Variants in ASPRV1 observed in about 807,000 individuals in gnomAD.
ASPRV1 encodes the protein aspartic peptidase retroviral like 1, also known as retroviral-like aspartic protease 1.
Under a neutral mutation model 11.0 loss-of-function variants are expected in ASPRV1, and 7 were observed. The observed-to-expected ratio is 0.64, with a 90% CI of 0.36 to 1.20. The LOEUF (loss-of-function observed/expected upper bound fraction) is 1.20. Ranked by LOEUF, ASPRV1 falls within the 50% of genes most tolerant of loss-of-function variation. ASPRV1 has a pLI of 0.02. For synonymous variants in ASPRV1, 136 were observed against 138.4 expected (o/e 0.98, Z 0.12); for missense variants, 299 against 320.0 (o/e 0.93, Z 0.50).
At chr2:70,042,690 G>A in the ASPRV1 span, among the ~76,000 whole-genome samples, 1 of 152,122 alleles carries the variant, frequency 6.6e-6, no homozygotes, top group Non-Finnish European at 1.5e-5. Context: ...ACTAGACCTC[G>A]TGTATGAGGC....
chr2:70,080,295 T>G, the ASPRV1 span, among the ~76,000 whole-genome samples: 1 of 152,024 alleles, frequency 6.6e-6, no homozygotes, highest in African/African-American at 2.4e-5. Context: ...GGCACCATCT[T>G]GGGTCACTGC....
chr2:69,934,286 G>A, the ASPRV1 span, among the ~76,000 whole-genome samples: 1 of 152,190 alleles, frequency 6.6e-6, no homozygotes, highest in Non-Finnish European at 1.5e-5. Context: ...CTTTAAGGAG[G>A]TGGTAAGCTT....
At chr2:70,012,853 AAACT>A in the ASPRV1 span, among the ~76,000 whole-genome samples, 6 of 152,214 alleles carry the variant, frequency 3.9e-5, no homozygotes, top group African/African-American at 1.2e-4. Context: ...AATGACTAAC[AAACT>A]ATGATTATTC....
chr2:70,074,133 CAAAAAAAAAA>C, the ASPRV1 span, among the ~76,000 whole-genome samples: 4 of 7,814 alleles, frequency 5.1e-4, no homozygotes, highest in Admixed American at 1.7e-3. Context: ...AACTTCATCT[CAAAAAAAAAA>C]AAAAAAAAAA....
At chr2:70,019,027 G>A in the ASPRV1 span, 1 of 152,160 alleles carries the variant, frequency 6.6e-6, no homozygotes, top group Non-Finnish European at 1.5e-5. Context: ...GGGTTGTTAT[G>A]ATCTAAAGTG....
the ASPRV1 span, among the ~76,000 whole-genome samples, chr2:70,036,460 C>T: frequency 1.3e-5 from 2 of 152,072 alleles, no homozygotes; most frequent in African/African-American, 4.8e-5. Flanking sequence ...AGAAATGGAT[C>T]AATCTAAAGA....
the ASPRV1 span, among the ~76,000 whole-genome samples, chr2:70,033,459 A>T: frequency 6.6e-6 from 1 of 152,034 alleles, no homozygotes; most frequent in Non-Finnish European, 1.5e-5. Flanking sequence ...GGCGGGAGAG[A>T]AATCCCCCTT....
chr2:69,952,154 A>C, the ASPRV1 span, among the ~76,000 whole-genome samples: 1 of 152,208 alleles, frequency 6.6e-6, no homozygotes, highest in Non-Finnish European at 1.5e-5. Flanking sequence ...AACACTGGGC[A>C]AATTAACCTC....
chr2:70,074,479 G>A, the ASPRV1 span, among the ~76,000 whole-genome samples: 1 of 151,504 alleles, frequency 6.6e-6, no homozygotes, highest in African/African-American at 2.4e-5. Context: ...AGTAGAGACA[G>A]AGTTTCACCA....
At chr2:69,988,986 A>G in the ASPRV1 span, 1 of 324,956 alleles carries the variant, frequency 3.1e-6, no homozygotes, top group Admixed American at 4.0e-5. Context: ...ACTAAAGAAC[A>G]CTTTTTTTTT....
chr2:70,061,029 G>A, the ASPRV1 span, among the ~76,000 whole-genome samples: 1 of 152,148 alleles, frequency 6.6e-6, no homozygotes, highest in Non-Finnish European at 1.5e-5. Context: ...AACAAATGGG[G>A]TGCTAACAGT....
chr2:70,011,122 G>A, the ASPRV1 span, among the ~76,000 whole-genome samples: 1 of 151,970 alleles, frequency 6.6e-6, no homozygotes, highest in East Asian at 1.9e-4. Flanking sequence ...GAGGGTGGGG[G>A]GTGTGGGAAA....
the ASPRV1 span, among the ~76,000 whole-genome samples, chr2:70,074,442 C>T: frequency 6.6e-6 from 1 of 151,516 alleles, no homozygotes; most frequent in Non-Finnish European, 1.5e-5. Context: ...GCACACACCA[C>T]CACACCTGGC....
At chr2:70,078,681 G>A in the ASPRV1 span, among the ~76,000 whole-genome samples, 1 of 152,218 alleles carries the variant, frequency 6.6e-6, no homozygotes, top group Non-Finnish European at 1.5e-5. Flanking sequence ...GGTAGGAAAT[G>A]AAGTCAGAGC....
chr2:70,063,671 TA>T, the ASPRV1 span, among the ~76,000 whole-genome samples: 1 of 152,250 alleles, frequency 6.6e-6, no homozygotes, highest in East Asian at 1.9e-4. Flanking sequence ...AAAGTTAAGG[TA>T]GGATTTCTGG....
chr2:69,966,879 C>T, the ASPRV1 span, among the ~76,000 whole-genome samples: 5 of 152,014 alleles, frequency 3.3e-5, no homozygotes, highest in East Asian at 1.9e-4. Flanking sequence ...TGGGGGGCGG[C>T]GACAGAGAGG....
chr2:70,085,782 CACTT>C, the ASPRV1 span: 8 of 152,262 alleles, frequency 5.3e-5, no homozygotes, highest in African/African-American at 1.7e-4. Context: ...TAAAAATGAA[CACTT>C]AATTGTGGTA....
the ASPRV1 span, among the ~76,000 whole-genome samples, chr2:70,019,988 G>GTATA: frequency 1.2e-4 from 18 of 150,376 alleles, no homozygotes; most frequent in African/African-American, 3.9e-4. Flanking sequence ...CAATGTGTGT[G>GTATA]TATATATATA....
the ASPRV1 span, among the ~76,000 whole-genome samples, chr2:70,086,712 CAGG>C: frequency 6.6e-6 from 1 of 152,236 alleles, no homozygotes; most frequent in Non-Finnish European, 1.5e-5. Flanking sequence ...GACACAAGGG[CAGG>C]AGGTGGGGTT....
Sources: allele counts gnomAD v4.1 joint callset (sites outside exome capture counted in the v4.1 genomes callset), GRCh38; gene constraint gnomAD v4.1.1; transcripts MANE v1.5; gene names NCBI Gene and HGNC (gene_info 2026-07-23, HGNC 2026-07-21).